TENM3: variants seen among roughly 807,000 people sequenced by gnomAD.
TENM3 encodes teneurin transmembrane protein 3.
TENM3 carries 63 observed loss-of-function variants against 255.1 expected under a neutral mutation model. That is an observed-to-expected ratio of 0.25 (90% CI 0.20 to 0.30). TENM3 has a LOEUF of 0.30. Ranked by LOEUF, TENM3 falls within the 10% of genes least tolerant of loss-of-function variation. The pLI, the probability that TENM3 is intolerant of heterozygous loss-of-function variation, is 1.00. For synonymous variants in TENM3, 1,306 were observed against 1,322.3 expected (o/e 0.99, Z 0.27); for missense variants, 2,929 against 3,461.1 (o/e 0.85, Z 3.86).
At chr4:182,507,242 G>C (rs1736928653) in intron 3 of TENM3, among the ~76,000 whole-genome samples, 1 of 151,976 alleles carries the variant, frequency 6.6e-6, no homozygotes, top group South Asian at 2.1e-4. Flanking sequence ...TTTTTCTTTT[G>C]CCCTTTTTCT....
chr4:182,785,494 G>A (rs1765568586), intron 24 of TENM3, among the ~76,000 whole-genome samples: 1 of 151,460 alleles, frequency 6.6e-6, no homozygotes, highest in African/African-American at 2.4e-5. Flanking sequence ...GATCACCTAA[G>A]CCCAGGAGTT....
At chr4:181,600,029 TAACA>T in the TENM3 span, among the ~76,000 whole-genome samples, 2 of 152,208 alleles carry the variant, frequency 1.3e-5, no homozygotes, top group African/African-American at 2.4e-5. Flanking sequence ...TGTGTATGAT[TAACA>T]ATCAGATATT....
chr4:182,714,276 A>T, intron 13 of TENM3, 43 bp downstream of exon 13: 1 of 1,360,738 alleles, frequency 7.3e-7, no homozygotes, highest in Non-Finnish European at 1.0e-6. Context: ...GCCAGAGCAC[A>T]GGTTCGTAAG....
chr4:181,867,399 C>T, the TENM3 span, among the ~76,000 whole-genome samples: 6 of 152,126 alleles, frequency 3.9e-5, 1 homozygote, highest in Non-Finnish European at 8.8e-5. Context: ...CCATTTAGGC[C>T]CCACCTCCTC....
chr4:182,390,790 C>T (rs116949653), intron 3 of TENM3, among the ~76,000 whole-genome samples: 2 of 152,306 alleles, frequency 1.3e-5, no homozygotes, highest in East Asian at 1.9e-4. Context: ...TGATCCTCTT[C>T]AAAATGGATA....
the TENM3 span, among the ~76,000 whole-genome samples, chr4:181,814,134 T>C: frequency 2.6e-5 from 4 of 152,270 alleles, no homozygotes; most frequent in Admixed American, 2.0e-4. Flanking sequence ...GGCCTTATGC[T>C]GCTTACAGAA....
At chr4:181,608,930 C>T in the TENM3 span, among the ~76,000 whole-genome samples, 3 of 152,254 alleles carry the variant, frequency 2.0e-5, no homozygotes, top group Admixed American at 2.0e-4. Flanking sequence ...ACAAAGAGAG[C>T]CACTGTTTTG....
chr4:181,628,950 A>T, the TENM3 span, among the ~76,000 whole-genome samples: 1 of 152,092 alleles, frequency 6.6e-6, no homozygotes, highest in Non-Finnish European at 1.5e-5. Flanking sequence ...CACGATATTG[A>T]TTCTTCCTAC....
chr4:181,827,834 A>G, the TENM3 span, among the ~76,000 whole-genome samples: 1 of 152,192 alleles, frequency 6.6e-6, no homozygotes, highest in Non-Finnish European at 1.5e-5. Flanking sequence ...GTTGCAAAGT[A>G]CTGACAGGCT....
At chr4:182,713,559 A>C (rs1293448330) in intron 12 of TENM3, among the ~76,000 whole-genome samples, 1 of 151,936 alleles carries the variant, frequency 6.6e-6, no homozygotes, top group Admixed American at 6.6e-5. Flanking sequence ...ATGTACGGCA[A>C]CTCCGAGGCC....
chr4:181,790,360 A>G, the TENM3 span, among the ~76,000 whole-genome samples: 1 of 152,344 alleles, frequency 6.6e-6, no homozygotes, highest in South Asian at 2.1e-4. Context: ...TGAACACTAA[A>G]TAGAACATTG....
At chr4:181,758,743 TA>T in the TENM3 span, among the ~76,000 whole-genome samples, 10 of 152,328 alleles carry the variant, frequency 6.6e-5, no homozygotes, top group African/African-American at 2.4e-4. Flanking sequence ...GAAAGATTAC[TA>T]AAAGCCAGCA....
chr4:181,885,553 G>A, the TENM3 span, among the ~76,000 whole-genome samples: 2 of 152,028 alleles, frequency 1.3e-5, no homozygotes, highest in African/African-American at 2.4e-5. Context: ...GAGCCACCGC[G>A]CCTGGCCGAG....
the TENM3 span, among the ~76,000 whole-genome samples, chr4:181,458,478 A>G: frequency 6.6e-6 from 1 of 151,968 alleles, no homozygotes; most frequent in South Asian, 2.1e-4. Context: ...ATGGTCATAA[A>G]TAAATGCTTT....
At chr4:182,165,549 G>C (rs760480879) in intron 1 of TENM3, among the ~76,000 whole-genome samples, 4 of 152,162 alleles carry the variant, frequency 2.6e-5, no homozygotes, top group Non-Finnish European at 4.4e-5. Flanking sequence ...GGCACACATA[G>C]TCATCAGCTG....
the TENM3 span, among the ~76,000 whole-genome samples, chr4:181,766,620 G>T: frequency 6.6e-6 from 1 of 152,048 alleles, no homozygotes; most frequent in African/African-American, 2.4e-5. Flanking sequence ...CACCAAAAAT[G>T]AGAGTGAAGG....
intron 3 of TENM3, among the ~76,000 whole-genome samples, chr4:182,421,332 A>C (rs946694322): frequency 6.6e-6 from 1 of 152,144 alleles, no homozygotes; most frequent in African/African-American, 2.4e-5. Context: ...GGATCATCCA[A>C]CGTCACTCAA....
chr4:181,823,142 T>C, the TENM3 span, among the ~76,000 whole-genome samples: 2 of 152,186 alleles, frequency 1.3e-5, no homozygotes, highest in African/African-American at 4.8e-5. Flanking sequence ...AATGCTTCCA[T>C]TGGAAGGCAT....
At chr4:182,276,069 C>T (rs1759980985) in intron 1 of TENM3, among the ~76,000 whole-genome samples, 1 of 152,232 alleles carries the variant, frequency 6.6e-6, no homozygotes, top group Admixed American at 6.5e-5. Flanking sequence ...GCACTGAGAC[C>T]TGAGTAATGA....
Sources: gnomAD v4.1 joint callset for allele counts (sites outside exome capture counted in the v4.1 genomes callset) on GRCh38, gnomAD v4.1.1 for gene constraint, MANE v1.5 for transcripts, NCBI Gene and HGNC (gene_info 2026-07-23, HGNC 2026-07-21) for gene names.